NUDT21: variants seen among roughly 807,000 people sequenced by gnomAD.
NUDT21 encodes the protein cleavage and polyadenylation specificity factor subunit 5.
A neutral mutation model predicts 29.8 loss-of-function variants in NUDT21; 5 were observed. That is an observed-to-expected ratio of 0.17 (90% confidence interval 0.09 to 0.35). The LOEUF (loss-of-function observed/expected upper bound fraction) is 0.35. Among genes scored for constraint, NUDT21 ranks in the 10% least tolerant of loss-of-function variants. NUDT21 has a pLI of 1.00. For missense variants in NUDT21, 76 were observed against 276.0 expected, an observed-to-expected ratio of 0.28 and a Z score of 5.13; for synonymous variants, 113 against 98.5, an observed-to-expected ratio of 1.15 and a Z score of -0.87.
rs766976040 is a variant in NUDT21 at position 56,451,237 on chromosome 16, G to A, written c.-35C>T. 6.6e-7 allele frequency: 1 copy of A among 1,509,144 alleles called. No homozygotes were observed. Among genetic ancestry groups the A allele is most frequent in the Non-Finnish European group, 9.1e-7 (1 of 1,103,192 alleles). The allele number at this position is 1,509,144 out of a possible 1,614,324, so 93.5% of individuals were successfully genotyped here. ...CTCCGGCGCTGACGGCGAGCAGAAA[G>A]TGGCAGGCAGGGTAGACTTTCCCCG... On this transcript the variant is annotated 5_prime_UTR_variant, in exon 1 of 7. Coordinates refer to ENST00000300291, the MANE Select transcript of NUDT21 (RefSeq NM_007006.3).
At chr16:56,436,656 G>A (rs1413773533) in intron 4 of NUDT21, among the ~76,000 whole-genome samples, 2 of 152,134 alleles carry the variant, frequency 1.3e-5, no homozygotes, top group African/African-American at 4.8e-5. Flanking sequence ...CAAACAAAAT[G>A]AGTAGCATTT....
At chr16:56,434,860 T>C in intron 4 of NUDT21, 31 bp from the exon 5 acceptor site, 1 of 1,257,968 alleles carries the variant, frequency 7.9e-7, no homozygotes, top group Non-Finnish European at 1.2e-6. Context: ...AACTTTAATA[T>C]GTATTCCATG....
chr16:56,445,278 GA>G (rs1444239942), intron 3 of NUDT21, among the ~76,000 whole-genome samples: 2 of 152,004 alleles, frequency 1.3e-5, no homozygotes, highest in African/African-American at 4.8e-5. Flanking sequence ...TCCAAAACCT[GA>G]AAAAAATCCC....
chr16:56,447,372 A>C (rs1025451166), intron 2 of NUDT21, among the ~76,000 whole-genome samples: 9 of 152,324 alleles, frequency 5.9e-5, no homozygotes, highest in African/African-American at 1.9e-4. Flanking sequence ...ATAGTTACGG[A>C]TCAAATGTTT....
chr16:56,432,748 GAAC>G lies in NUDT21; in HGVS notation c.663-18_663-16del. On this transcript the variant is annotated splice_polypyrimidine_tract_variant and intron_variant, in intron 6 of 6. Transcript: ENST00000300291. Reference sequence around the variant, plus strand: ...TAAAATTGAACCTGAATTTTAAAAAGAACAATACCTTTATTAAAGACAGTACAT... The same window carrying G: ...TAAAATTGAACCTGAATTTTAAAAAGAATACCTTTATTAAAGACAGTACAT... 6.3e-7 allele frequency: 1 copy of G among 1,583,936 alleles called. No individual in the cohort carries two copies. Among genetic ancestry groups the G allele is most frequent in the Non-Finnish European group, 8.7e-7 (1 of 1,154,496 alleles).
intron 3 of NUDT21, 159 bp downstream of exon 3, chr16:56,446,463 ACTTC>A: frequency 1.9e-6 from 1 of 524,844 alleles, no homozygotes. Context: ...AATAAGTGTA[ACTTC>A]AACTTGTAAA....
At chr16:56,434,575 T>A (rs1962073555) in intron 5 of NUDT21, 130 bp from the exon 6 acceptor site, 4 of 777,572 alleles carry the variant, frequency 5.1e-6, no homozygotes, top group Non-Finnish European at 8.5e-6. Flanking sequence ...TACATTTTGG[T>A]TGTGTCTTTC....
chr16:56,446,584 T>C, intron 3 of NUDT21, 42 bp downstream of exon 3: 1 of 1,135,400 alleles, frequency 8.8e-7, no homozygotes, highest in Non-Finnish European at 1.3e-6. Context: ...GCCAAATAAC[T>C]AGTAAGTTGA....
At chr16:56,437,997 A>G (rs1325474499) in intron 4 of NUDT21, among the ~76,000 whole-genome samples, 2 of 152,214 alleles carry the variant, frequency 1.3e-5, no homozygotes, top group African/African-American at 2.4e-5. Flanking sequence ...ATCATCAATG[A>G]GCTGCTAACA....
chr16:56,449,619 A>C (rs1445736505), intron 1 of NUDT21, among the ~76,000 whole-genome samples: 2 of 152,202 alleles, frequency 1.3e-5, no homozygotes, highest in Admixed American at 1.3e-4. Flanking sequence ...TATTTTGCCA[A>C]TTCTACAAAA....
intron 6 of NUDT21, among the ~76,000 whole-genome samples, chr16:56,433,416 T>C (rs1409740286): frequency 6.6e-6 from 1 of 152,236 alleles, no homozygotes. Context: ...GTACTGAGGT[T>C]GGGCTTCAAA....
intron 1 of NUDT21, among the ~76,000 whole-genome samples, chr16:56,449,579 G>T (rs559123082): frequency 4.6e-5 from 7 of 152,196 alleles, no homozygotes; most frequent in African/African-American, 1.7e-4. Context: ...TTAATAGAGC[G>T]AAGATTAAAA....
intron 4 of NUDT21, among the ~76,000 whole-genome samples, chr16:56,437,161 C>A (rs1414672408): frequency 4.6e-5 from 7 of 152,216 alleles, no homozygotes; most frequent in African/African-American, 1.7e-4. Flanking sequence ...CAGCCCCTAT[C>A]TTCTTGTCCC....
At chr16:56,433,410 T>G (rs1397498584) in intron 6 of NUDT21, among the ~76,000 whole-genome samples, 1 of 152,216 alleles carries the variant, frequency 6.6e-6, no homozygotes. Context: ...CAGCAAGTAC[T>G]GAGGTTGGGC....
At chr16:56,441,995 T>G (rs1962164525) in intron 3 of NUDT21, among the ~76,000 whole-genome samples, 1 of 152,166 alleles carries the variant, frequency 6.6e-6, no homozygotes, top group Non-Finnish European at 1.5e-5. Flanking sequence ...GTTCAAGCGC[T>G]TCTCTCACCT....
chr16:56,442,195 T>G (rs1962167301), intron 3 of NUDT21, among the ~76,000 whole-genome samples: 1 of 152,254 alleles, frequency 6.6e-6, no homozygotes, highest in Non-Finnish European at 1.5e-5. Flanking sequence ...GACACGTTTT[T>G]CTATCATCCT....
intron 1 of NUDT21, 47 bp from the exon 2 acceptor site, chr16:56,448,036 TTTAC>T (rs764385547): frequency 6.5e-7 from 1 of 1,526,894 alleles, no homozygotes; most frequent in African/African-American, 1.4e-5. Flanking sequence ...AAGAATGTAA[TTTAC>T]CATGACAGAC....
rs1962237564 is a variant in NUDT21, at chr16:56,448,009, A to T, written c.117-20T>A. 1.3e-6 allele frequency: 2 copies of T among 1,597,100 alleles called. No individual in the cohort carries two copies. Among genetic ancestry groups the T allele is most frequent in the Admixed American group, 3.3e-5 (2 of 59,776 alleles). On this transcript the variant is annotated intron_variant, in intron 1 of 6. Coordinates refer to ENST00000300291, the MANE Select transcript of NUDT21 (RefSeq NM_007006.3). ...GGGTACCTGTGATCCGAAGACAAAC[A>T]TCTAACATGAGAACTGAAGAATGTA...
At chr16:56,449,602 A>C (rs1351013762) in intron 1 of NUDT21, among the ~76,000 whole-genome samples, 2 of 152,212 alleles carry the variant, frequency 1.3e-5, no homozygotes, top group Non-Finnish European at 2.9e-5. Context: ...TCTTACTGAA[A>C]GCTAACTATT....
Sources: allele counts gnomAD v4.1 joint callset (sites outside exome capture counted in the v4.1 genomes callset), GRCh38; gene constraint gnomAD v4.1.1; transcripts MANE v1.5; gene names NCBI Gene and HGNC (gene_info 2026-07-23, HGNC 2026-07-21).